PDE1B: variants seen among roughly 807,000 people sequenced by gnomAD.
The protein encoded by PDE1B is phosphodiesterase 1B, also known as dual specificity calcium/calmodulin-dependent 3',5'-cyclic nucleotide phosphodiesterase 1B.
In PDE1B, 13 loss-of-function variants were observed where a neutral mutation model predicts 66.7. The ratio of observed to expected loss-of-function variants is 0.19; its 90% CI spans 0.13 to 0.31. PDE1B has a LOEUF of 0.31. PDE1B is among the 10% of genes least tolerant of loss of function. The pLI, the probability that PDE1B is intolerant of heterozygous loss-of-function variation, is 1.00. For missense variants in PDE1B, 485 were observed against 682.3 expected (o/e 0.71, Z 3.22); for synonymous variants, 230 against 253.9 (o/e 0.91, Z 0.90).
chr12:54,569,030 G>T lies in PDE1B; in HGVS notation c.228-154G>T. The stretch of plus-strand genomic sequence containing the variant: ...TTCATTATTGGAGATGTTAGATAAA[G>T]AAATAAAAAGATATAGAGAAAGAAA... On this transcript the variant is annotated intron_variant, in intron 3 of 15. Coordinates refer to ENST00000243052, the MANE Select transcript of PDE1B (RefSeq NM_000924.4). The surrounding 1 kb of genome is among the most constrained non-coding windows in gnomAD (Gnocchi z 4.4). 7.8e-7 allele frequency: 1 copy of T among 1,285,926 alleles called. No homozygotes were observed. The allele number at this position is 1,285,926 out of a possible 1,614,324, so 79.7% of individuals were successfully genotyped here.
intron 6 of PDE1B, 111 bp from the exon 7 acceptor site, chr12:54,572,490 C>T: frequency 9.8e-7 from 1 of 1,024,498 alleles, no homozygotes; most frequent in South Asian, 1.5e-5. Context: ...AGGTTCTGTG[C>T]TCTCTCCCTA....
intron 13 of PDE1B, chr12:54,576,344 T>TA (rs1215181455): frequency 4.9e-6 from 3 of 615,762 alleles, no homozygotes; most frequent in Non-Finnish European, 8.5e-6. Flanking sequence ...GCCTTCTGGC[T>TA]AATCTTGTTT....
chr12:54,551,869 G>T, intron 2 of PDE1B, among the ~76,000 whole-genome samples: 1 of 152,172 alleles, frequency 6.6e-6, no homozygotes, highest in East Asian at 1.9e-4. Context: ...CATGAGATTA[G>T]GGTGGACAAG....
At chr12:54,564,309 G>GATCT (rs548069219) in intron 2 of PDE1B, among the ~76,000 whole-genome samples, 560 of 147,614 alleles carry the variant, frequency 3.8e-3, no homozygotes, top group Non-Finnish European at 6.0e-3. Context: ...CCAGAGCTAT[G>GATCT]ATCTGGGTGA....
chr12:54,554,855 C>G lies in PDE1B; in HGVS notation c.113+4870C>G, dbSNP rs115747199. On this transcript the variant is annotated intron_variant, in intron 2 of 15. Coordinates refer to ENST00000243052, the MANE Select transcript of PDE1B (RefSeq NM_000924.4). ...TAAAAGTAACTTTGAAATGATAAAG[C>G]CTGAAGGTCTTTTTCATCATGGGAG... Among the ~76,000 whole-genome samples the G allele has an allele frequency of 3.7e-3, 561 of 152,164 alleles. 3 individuals are homozygous for G. Among genetic ancestry groups the G allele is most frequent in the African/African-American group, 0.013 (539 of 41,492 alleles).
At chr12:54,567,802 C>T (rs1429932693) in intron 3 of PDE1B, among the ~76,000 whole-genome samples, 1 of 151,848 alleles carries the variant, frequency 6.6e-6, no homozygotes, top group African/African-American at 2.4e-5. Flanking sequence ...ACATAAAATA[C>T]ATGATGGATT....
chr12:54,552,162 GC>G (rs1957287056), intron 2 of PDE1B, among the ~76,000 whole-genome samples: 2 of 152,162 alleles, frequency 1.3e-5, no homozygotes, highest in Admixed American at 6.5e-5. Flanking sequence ...TATTGGGGAG[GC>G]TTTGACTATC....
chr12:54,549,700 C>A lies in PDE1B; in HGVS notation c.-86C>A. ...GGCTGGGCAGCGGGAGAGGAGGAGC[C>A]GCAGGAGCTGCAGCTCTGCCAGCTT... On this transcript the variant is annotated 5_prime_UTR_variant, in exon 1 of 16. Transcript: ENST00000243052. The A allele has an allele frequency of 2.0e-6, 1 of 496,702 alleles. No individual in the cohort carries two copies. Among genetic ancestry groups the A allele is most frequent in the South Asian group, 3.1e-5 (1 of 32,190 alleles). The allele number at this position is 496,702 out of a possible 1,614,324, so 30.8% of individuals were successfully genotyped here. A position where few individuals can be genotyped will look rare whatever the true frequency, so the allele number is the denominator to read the frequency against.
chr12:54,575,771 C>A lies in PDE1B; in HGVS notation c.1267+139C>A. The A allele has an allele frequency of 1.3e-6, 1 of 772,248 alleles. No homozygotes were observed. The highest frequency in any genetic ancestry group is 1.5e-5 in the South Asian group (1 of 65,354). The allele number at this position is 772,248 out of a possible 1,614,324, so 47.8% of individuals were successfully genotyped here. A position where few individuals can be genotyped will look rare whatever the true frequency, so the allele number is the denominator to read the frequency against. On this transcript the variant is annotated intron_variant, in intron 12 of 15. Transcript: ENST00000243052. This position sits in a 1 kb window ranked among gnomAD's most constrained non-coding sequence, Gnocchi z 4.0. Reference sequence around the variant, plus strand: ...GCCTACTGTGCTAGAGCATGGGGTCCTGGGTTAGGAGGCCAGGGGGCTGCA... The same window carrying A: ...GCCTACTGTGCTAGAGCATGGGGTCATGGGTTAGGAGGCCAGGGGGCTGCA...
chr12:54,550,237 G>T, intron 2 of PDE1B: 1 of 1,351,420 alleles, frequency 7.4e-7, no homozygotes, highest in Non-Finnish European at 9.5e-7. Context: ...TGGACCCCAG[G>T]CTGACACACG....
chr12:54,576,850 G>C (rs1957761417), intron 14 of PDE1B, 149 bp downstream of exon 14: 1 of 790,234 alleles, frequency 1.3e-6, no homozygotes, highest in South Asian at 1.8e-5. Flanking sequence ...TAGATCACAG[G>C]AAAGACTGGC....
Position 54,575,333 on chromosome 12 carries a change from T to C in PDE1B, c.1185+115T>C. 1.0e-6 allele frequency: 1 copy of C among 952,674 alleles called. No individual in the cohort carries two copies. The highest frequency in any genetic ancestry group is 1.7e-6 in the Non-Finnish European group (1 of 601,794). 59.0% of individuals were successfully genotyped at this position (952,674 alleles called of 1,614,324 possible). A position where few individuals can be genotyped will look rare whatever the true frequency, so the allele number is the denominator to read the frequency against. On this transcript the variant is annotated intron_variant, in intron 11 of 15. Transcript: ENST00000243052. The surrounding 1 kb of genome is among the most constrained non-coding windows in gnomAD (Gnocchi z 4.0). Reference sequence around the variant, plus strand: ...CTTTTGCTACCTGTAGTCTCTGACCTGATCCCAAATCCTTGGGGTAAAACC... The same window carrying C: ...CTTTTGCTACCTGTAGTCTCTGACCCGATCCCAAATCCTTGGGGTAAAACC...
chr12:54,549,883 C>A lies in PDE1B; in HGVS notation c.11C>A (p.Ser4Tyr). The change falls in exon 2 of 16, where the codon TCC (serine) becomes TAC (tyrosine). Residue 4 changes from serine to tyrosine, a missense_variant. By Grantham distance (144) the Ser-to-Tyr change is moderately radical. Coordinates refer to ENST00000243052, the MANE Select transcript of PDE1B (RefSeq NM_000924.4). MEL[S>Y]PRSPPEMLEE... Reference sequence around the variant, plus strand: ...AGACCGTGGCTGAGCATGGAGCTGTCCCCCCGCAGTCCTCCGGAGATGCTG... The same window carrying A: ...AGACCGTGGCTGAGCATGGAGCTGTACCCCCGCAGTCCTCCGGAGATGCTG... The A allele has an allele frequency of 6.2e-7, 1 of 1,612,786 alleles. No individual in the cohort carries two copies. The highest frequency in any genetic ancestry group is 8.5e-7 in the Non-Finnish European group (1 of 1,179,026).
In PDE1B at chr12:54,573,278, A is replaced by G. The variant is rs1235110345; in HGVS notation, c.836+30A>G. 1 of 1,611,998 alleles carries G rather than the reference A, an allele frequency of 6.2e-7. No homozygotes were observed. Among genetic ancestry groups the G allele is most frequent in the Admixed American group, 1.7e-5 (1 of 59,998 alleles). On this transcript the variant is annotated intron_variant, in intron 8 of 15. Coordinates refer to ENST00000243052, the MANE Select transcript of PDE1B (RefSeq NM_000924.4). This position sits in a 1 kb window ranked among gnomAD's most constrained non-coding sequence, Gnocchi z 5.2. ...GGGGTGGGGATGTGGCAGGGGCAGG[A>G]GGGGCCAAGAGGAGGTGGGGAGGTT... is the stretch of plus-strand genomic sequence containing the variant.
intron 3 of PDE1B, among the ~76,000 whole-genome samples, chr12:54,567,616 TAGAGAC>T (rs2121109061): frequency 6.6e-6 from 1 of 152,028 alleles, no homozygotes; most frequent in South Asian, 2.1e-4. Context: ...GATGCAGAGA[TAGAGAC>T]AAACACAGAT....
In PDE1B at chr12:54,573,508, C is replaced by T. The variant is rs1452834048; in HGVS notation, c.962+28C>T. 1 of 1,613,996 alleles carries T rather than the reference C, an allele frequency of 6.2e-7. No individual in the cohort carries two copies. Among genetic ancestry groups the T allele is most frequent in the East Asian group, 2.2e-5 (1 of 44,874 alleles). On this transcript the variant is annotated intron_variant, in intron 9 of 15. Transcript: ENST00000243052. The surrounding 1 kb of genome is among the most constrained non-coding windows in gnomAD (Gnocchi z 5.2). ...GAGCAGAAGCCAGTACTTGGCATCCCTAAGAGACTCCCTTACCACAAACTC... is the reference window on the plus strand; with the variant it reads ...GAGCAGAAGCCAGTACTTGGCATCCTTAAGAGACTCCCTTACCACAAACTC...
chr12:54,568,398 G>A (rs1957554374), intron 3 of PDE1B, among the ~76,000 whole-genome samples: 1 of 151,646 alleles, frequency 6.6e-6, no homozygotes, highest in Non-Finnish European at 1.5e-5. Context: ...GGGAGGTTGA[G>A]GTTGCAGTGA....
Position 54,575,173 on chromosome 12 carries a change from C to A in PDE1B, c.1140C>A (p.Val380=), listed in dbSNP as rs769849039. The A allele has an allele frequency of 3.7e-6, 6 of 1,612,380 alleles. No homozygotes were observed. In the African/African-American group the frequency reaches 8.0e-5, roughly 22 times the overall value. The change falls in exon 11 of 16, where the codon GTC becomes GTA. Residue 380 remains valine, a synonymous_variant. Transcript: ENST00000243052. The surrounding 1 kb of genome is among the most constrained non-coding windows in gnomAD (Gnocchi z 4.0). ...GCCACCCAACCAAGCAGTGGTTGGT[C>A]CACAGCCGTTGGACCAAGGCCCTCA... ...DISHPTKQWL[V]HSRWTKALME... is the part of the protein sequence containing the mutation.
Position 54,574,000 on chromosome 12 carries a change from T to A in PDE1B, c.1064+291T>A. 4.6e-6 allele frequency: 2 copies of A among 432,526 alleles called. No individual in the cohort carries two copies. The highest frequency in any genetic ancestry group is 8.4e-6 in the Non-Finnish European group (2 of 236,882). The allele number at this position is 432,526 out of a possible 1,614,324, so 26.8% of individuals were successfully genotyped here. On this transcript the variant is annotated intron_variant, in intron 10 of 15. Transcript: ENST00000243052. This position sits in a 1 kb window ranked among gnomAD's most constrained non-coding sequence, Gnocchi z 5.2. ...AAGATGGGGGTTCTCATCGTAGCTC[T>A]GGGACAGGCTTACTCTGGAATGTTG...
Sources: gnomAD v4.1 joint callset for allele counts (sites outside exome capture counted in the v4.1 genomes callset) on GRCh38, gnomAD v4.1.1 for gene constraint, Gnocchi (gnomAD v3.1) non-coding constraint, MANE v1.5 for transcripts, NCBI Gene and HGNC (gene_info 2026-07-23, HGNC 2026-07-21) for gene names.